The following MICAL3 variants were observed in gnomAD, a reference collection of about 807,000 sequenced individuals.
MICAL3 encodes the protein [F-actin]-monooxygenase MICAL3.
Under a neutral mutation model 207.4 loss-of-function variants are expected in MICAL3, and 62 were observed. That is an observed-to-expected ratio of 0.30 (90% CI 0.24 to 0.37). MICAL3 has a LOEUF of 0.37. Among genes scored for constraint, MICAL3 ranks in the 10% least tolerant of loss-of-function variants. MICAL3 has a pLI of 1.00. For synonymous variants in MICAL3, 1,077 were observed against 1,069.3 expected, an observed-to-expected ratio of 1.01 and a Z score of -0.14; for missense variants, 2,368 against 2,635.6, an observed-to-expected ratio of 0.90 and a Z score of 2.22.
At chr22:17,880,081 C>T (rs575051182) in intron 16 of MICAL3, among the ~76,000 whole-genome samples, 102 of 152,292 alleles carry the variant, frequency 6.7e-4, no homozygotes, top group African/African-American at 2.4e-3. Flanking sequence ...CAGCCACGTG[C>T]GGGTGGAAAA....
At chr22:17,840,141 T>C (rs926924508) in intron 20 of MICAL3, 3 of 151,610 alleles carry the variant, frequency 2.0e-5, no homozygotes, top group African/African-American at 7.3e-5. Context: ...TGGAGTGCAG[T>C]GGTGCAGTGG....
chr22:17,795,954 G>C (rs2145955167), intron 29 of MICAL3, among the ~76,000 whole-genome samples: 1 of 152,258 alleles, frequency 6.6e-6, no homozygotes, highest in Middle Eastern at 3.4e-3. Flanking sequence ...GTAAGAAATA[G>C]AAGACTTGGT....
intron 29 of MICAL3, among the ~76,000 whole-genome samples, chr22:17,801,210 TG>T (rs2061935728): frequency 2.0e-5 from 1 of 49,284 alleles, no homozygotes; most frequent in Non-Finnish European, 3.3e-5. Flanking sequence ...TGGAGTGCAG[TG>T]GCGGGATCTC....
At chr22:17,791,584 GCT>G (rs2061825304) in intron 29 of MICAL3, 1 of 498,798 alleles carries the variant, frequency 2.0e-6, no homozygotes. Flanking sequence ...TGCTCTGTGT[GCT>G]CTCTTAGGAT....
chr22:17,898,225 T>C (rs1931018273), intron 7 of MICAL3, among the ~76,000 whole-genome samples: 1 of 152,244 alleles, frequency 6.6e-6, no homozygotes, highest in Non-Finnish European at 1.5e-5. Flanking sequence ...AATCTTCACC[T>C]TGTCCCAAGG....
intron 1 of MICAL3, among the ~76,000 whole-genome samples, chr22:17,942,161 G>A (rs1779092967): frequency 6.6e-6 from 1 of 152,216 alleles, no homozygotes; most frequent in African/African-American, 2.4e-5. Flanking sequence ...CAGCCACACC[G>A]CAACATGGCT....
intron 9 of MICAL3, 31 bp from the exon 10 acceptor site, chr22:17,895,441 G>T: frequency 6.2e-7 from 1 of 1,611,036 alleles, no homozygotes; most frequent in South Asian, 1.1e-5. Flanking sequence ...ACTCAGAATC[G>T]GGACCAGCAC....
Position 17,976,533 on chromosome 22 carries a change from A to ATGTG in MICAL3, c.-75+47747_-75+47748insCACA, listed in dbSNP as rs1278243661. ...AATATACATGTATATATGTGTATAT[A>ATGTG]TATGTGTGTGTGTGTGTGTGTGTGT... On this transcript the variant is annotated intron_variant, in intron 1 of 31. Transcript: ENST00000441493. 9.8e-4 allele frequency among the ~76,000 whole-genome samples: 113 copies of ATGTG among 115,418 alleles called. 1 individual carries two copies. The highest frequency in any genetic ancestry group is 2.6e-3 in the African/African-American group (73 of 28,516). The allele number at this position is 115,418 out of a possible 152,430, so 75.7% of individuals were successfully genotyped here. A position where few individuals can be genotyped will look rare whatever the true frequency, so the allele number is the denominator to read the frequency against.
chr22:17,939,399 C>G (rs5747427), intron 1 of MICAL3, among the ~76,000 whole-genome samples: 35,077 of 152,230 alleles, frequency 0.23, 4,634 homozygotes, highest in East Asian at 0.52. Context: ...CACACACCAG[C>G]TGAGGACCAG....
intron 29 of MICAL3, among the ~76,000 whole-genome samples, chr22:17,801,966 G>A (rs2061944961): frequency 6.6e-6 from 1 of 152,058 alleles, no homozygotes; most frequent in Non-Finnish European, 1.5e-5. Context: ...ATGCGATGGT[G>A]TGTTACCGGC....
intron 29 of MICAL3, 110 bp from the exon 30 acceptor site, chr22:17,791,411 C>T: frequency 1.1e-6 from 1 of 941,776 alleles, no homozygotes; most frequent in Non-Finnish European, 1.6e-6. Context: ...GCTGCCGGAA[C>T]TTCCACTCCC....
chr22:17,997,936 A>G (rs1277168140), intron 1 of MICAL3, among the ~76,000 whole-genome samples: 1 of 152,132 alleles, frequency 6.6e-6, no homozygotes, highest in Non-Finnish European at 1.5e-5. Context: ...TCCAAAAAAA[A>G]AAAAGAAAAG....
In MICAL3 at chr22:17,822,018, A is replaced by G. The variant is rs5992113; in HGVS notation, c.3448+12T>C. The G allele has an allele frequency of 1.2e-6, 2 of 1,612,770 alleles. No individual in the cohort carries two copies. Among genetic ancestry groups the G allele is most frequent in the African/African-American group, 2.7e-5 (2 of 74,934 alleles). Reference sequence around the variant, plus strand: ...TTCTGAAAGTTGTTTCTCCCATCAAAGACAGGCTCACCTCTCTCTTGGTGC... The same window carrying G: ...TTCTGAAAGTTGTTTCTCCCATCAAGGACAGGCTCACCTCTCTCTTGGTGC... On this transcript the variant is annotated intron_variant, in intron 24 of 31. Coordinates refer to ENST00000441493, the MANE Select transcript of MICAL3 (RefSeq NM_015241.3).
At chr22:18,014,187 A>T (rs933626663) in intron 1 of MICAL3, among the ~76,000 whole-genome samples, 2 of 152,074 alleles carry the variant, frequency 1.3e-5, no homozygotes, top group Non-Finnish European at 2.9e-5. Flanking sequence ...GAAAATTCAG[A>T]TGCCCTTAGG....
intron 16 of MICAL3, among the ~76,000 whole-genome samples, chr22:17,873,713 G>A (rs1420128588): frequency 6.6e-6 from 1 of 152,252 alleles, no homozygotes; most frequent in Non-Finnish European, 1.5e-5. Flanking sequence ...TGGCAACACT[G>A]AAACCACAGG....
intron 16 of MICAL3, among the ~76,000 whole-genome samples, chr22:17,874,811 C>T (rs768729279): frequency 5.3e-5 from 8 of 152,000 alleles, no homozygotes; most frequent in Non-Finnish European, 8.8e-5. Flanking sequence ...TCTCTAGAAA[C>T]TCCCTACAAC....
Position 17,900,988 on chromosome 22 carries a change from C to G in MICAL3, c.701G>C (p.Arg234Pro), listed in dbSNP as rs746149838. The change falls in exon 6 of 32, where the codon CGG becomes CCG. Residue 234 changes from arginine (R) to proline (P), a missense_variant. Arg to Pro is a moderately radical substitution (Grantham distance 103, BLOSUM62 -2). Around this residue, in one of 4 missense-constraint regions of MICAL3, gnomAD observed 400 missense variants for 547.0 expected, o/e 0.73. Transcript: ENST00000441493. The surrounding 1 kb of genome is among the most constrained non-coding windows in gnomAD (Gnocchi z 4.0). Reference protein sequence around the residue: ...GRRNTLEGFRRKEFRGKLAIA... With the variant: ...GRRNTLEGFRPKEFRGKLAIA... ...GGCCAGTTTGCCACGGAATTCTTTC[C>G]GACGAAACCCTGGAGGGAAATAAAT... 2 of 1,613,904 alleles carry G rather than the reference C, an allele frequency of 1.2e-6. No individual in the cohort carries two copies. The highest frequency in any genetic ancestry group is 1.7e-6 in the Non-Finnish European group (2 of 1,179,862).
chr22:17,869,087 C>T (rs1417209671), intron 17 of MICAL3, among the ~76,000 whole-genome samples: 1 of 152,106 alleles, frequency 6.6e-6, no homozygotes, highest in Non-Finnish European at 1.5e-5. Context: ...AGAGCCACGT[C>T]CTAAGGGAGC....
chr22:18,021,538 C>A (rs996680737), intron 1 of MICAL3, among the ~76,000 whole-genome samples: 4 of 152,150 alleles, frequency 2.6e-5, no homozygotes, highest in African/African-American at 9.7e-5. Context: ...CAGGAAGGAA[C>A]AAAATGATGC....
Sources: allele counts gnomAD v4.1 joint callset (sites outside exome capture counted in the v4.1 genomes callset), GRCh38; gene constraint gnomAD v4.1.1; regional missense constraint gnomAD v4.1.1; non-coding constraint Gnocchi (gnomAD v3.1); transcripts MANE v1.5; gene names NCBI Gene and HGNC (gene_info 2026-07-23, HGNC 2026-07-21).